RNLS: variants seen among roughly 807,000 people sequenced by gnomAD.
The protein encoded by RNLS is renalase.
A neutral mutation model predicts 39.8 loss-of-function variants in RNLS; 39 were observed. That is an observed-to-expected ratio of 0.98 (90% CI 0.76 to 1.28). The LOEUF (loss-of-function observed/expected upper bound fraction) is 1.28. RNLS is among the 50% of genes most tolerant of loss of function. The pLI is 0.00. For synonymous variants in RNLS, 147 were observed against 150.7 expected (o/e 0.98, Z 0.18); for missense variants, 410 against 413.3 (o/e 0.99, Z 0.07).
At chr10:88,510,737 C>A (rs1278190058) in intron 4 of RNLS, among the ~76,000 whole-genome samples, 1 of 151,608 alleles carries the variant, frequency 6.6e-6, no homozygotes, top group Non-Finnish European at 1.5e-5. Context: ...CACCCAGCTA[C>A]TCAGGAGGCT....
At chr10:88,530,587 C>G (rs1847364573) in intron 4 of RNLS, among the ~76,000 whole-genome samples, 1 of 152,100 alleles carries the variant, frequency 6.6e-6, no homozygotes, top group South Asian at 2.1e-4. Context: ...GTTTAACAAA[C>G]TAAAAAGAAA....
At chr10:88,236,321 G>C in the RNLS span, among the ~76,000 whole-genome samples, 2 of 152,248 alleles carry the variant, frequency 1.3e-5, no homozygotes, top group Admixed American at 6.5e-5. Flanking sequence ...GGAGGAGGTA[G>C]AGTTCTGAGC....
intron 4 of RNLS, among the ~76,000 whole-genome samples, chr10:88,389,335 G>T (rs1167472529): frequency 1.3e-5 from 2 of 151,872 alleles, no homozygotes; most frequent in Non-Finnish European, 2.9e-5. Context: ...TGTTATTGTT[G>T]TTTTCTTTTT....
chr10:88,492,937 A>G lies in RNLS; in HGVS notation c.526+79966T>C, dbSNP rs1035488040. On this transcript the variant is annotated intron_variant, in intron 4 of 6. Transcript: ENST00000331772. ...ACTTTCTACCCAGGATAAAGTTCTG[A>G]ACATGAAATTTTTAATATTTGAAAA... Among the ~76,000 whole-genome samples, 7 of 152,278 alleles carry G rather than the reference A, an allele frequency of 4.6e-5. 1 individual carries two copies. The highest frequency in any genetic ancestry group is 9.6e-5 in the African/African-American group (4 of 41,556).
intron 5 of RNLS, among the ~76,000 whole-genome samples, chr10:88,318,228 G>T (rs1564689750): frequency 6.6e-6 from 1 of 152,200 alleles, no homozygotes; most frequent in South Asian, 2.1e-4. Context: ...TGGGGCTGTT[G>T]GGTCCCTGTG....
Position 88,491,133 on chromosome 10 carries a change from A to G in RNLS, c.526+81770T>C, listed in dbSNP as rs75125067. Among the ~76,000 whole-genome samples the G allele has an allele frequency of 7.8e-3, 1,186 of 152,256 alleles. 6 individuals carry two copies. Among genetic ancestry groups the G allele is most frequent in the Non-Finnish European group, 0.012 (818 of 67,998 alleles). The stretch of plus-strand genomic sequence containing the variant: ...TTTGAGGGAACTGAGGCAGAGGGGA[A>G]CAACCAGTCTGCTTCAGAAAACACT... On this transcript the variant is annotated intron_variant, in intron 4 of 6. Coordinates refer to ENST00000331772, the MANE Select transcript of RNLS (RefSeq NM_001031709.3).
Position 88,441,333 on chromosome 10 carries a change from C to T in RNLS, c.527-78608G>A, listed in dbSNP as rs191434405. 4.6e-5 allele frequency among the ~76,000 whole-genome samples: 7 copies of T among 152,296 alleles called. No homozygotes were observed. The East Asian group carries it at 1.3e-3, about 29-fold the overall frequency. Reference sequence around the variant, plus strand: ...CCCTTCCTTCCCACCTACGTATACACAAGTTGATGGTGATTCACTGAAATC... The same window carrying T: ...CCCTTCCTTCCCACCTACGTATACATAAGTTGATGGTGATTCACTGAAATC... On this transcript the variant is annotated intron_variant, in intron 4 of 6. Coordinates refer to ENST00000331772, the MANE Select transcript of RNLS (RefSeq NM_001031709.3).
At chr10:88,535,530 A>G (rs1847701605) in intron 4 of RNLS, among the ~76,000 whole-genome samples, 1 of 152,070 alleles carries the variant, frequency 6.6e-6, no homozygotes, top group Admixed American at 6.6e-5. Flanking sequence ...GCAAACCACC[A>G]TGGCACACGT....
chr10:88,359,111 A>G (rs942072718), intron 5 of RNLS, among the ~76,000 whole-genome samples: 5 of 152,106 alleles, frequency 3.3e-5, no homozygotes, highest in Non-Finnish European at 7.4e-5. Flanking sequence ...TCAGGGGTTC[A>G]AGACCAGACT....
chr10:88,356,653 T>C (rs978840469), intron 5 of RNLS, among the ~76,000 whole-genome samples: 1 of 152,268 alleles, frequency 6.6e-6, no homozygotes, highest in African/African-American at 2.4e-5. Flanking sequence ...AAAATTCTTG[T>C]GAGGATAAAT....
intron 5 of RNLS, among the ~76,000 whole-genome samples, chr10:88,318,940 A>G (rs1442995145): frequency 6.6e-6 from 1 of 152,056 alleles, no homozygotes; most frequent in African/African-American, 2.4e-5. Flanking sequence ...TCATCAATCT[A>G]CCTGTGGGTG....
intron 4 of RNLS, among the ~76,000 whole-genome samples, chr10:88,461,050 T>C (rs1041494127): frequency 1.3e-5 from 2 of 152,134 alleles, no homozygotes; most frequent in Admixed American, 1.3e-4. Flanking sequence ...AAGTGGCTTC[T>C]ATGGTGCAGA....
At chr10:88,470,910 G>A (rs999315910) in intron 4 of RNLS, among the ~76,000 whole-genome samples, 2 of 152,026 alleles carry the variant, frequency 1.3e-5, no homozygotes, top group African/African-American at 2.4e-5. Flanking sequence ...CACCACAGCC[G>A]GCCTGTAATT....
chr10:88,254,492 G>A, the RNLS span, among the ~76,000 whole-genome samples: 2 of 152,300 alleles, frequency 1.3e-5, no homozygotes, highest in African/African-American at 4.8e-5. Flanking sequence ...TGAGAGAGGA[G>A]AATGAAGCAG....
chr10:88,235,267 C>CAAAA, the RNLS span, among the ~76,000 whole-genome samples: 83 of 61,566 alleles, frequency 1.3e-3, no homozygotes, highest in African/African-American at 2.0e-3. Context: ...GACTCTATCT[C>CAAAA]AAAAAAAAAA....
intron 4 of RNLS, among the ~76,000 whole-genome samples, chr10:88,463,792 T>C (rs1420869377): frequency 6.6e-6 from 1 of 152,000 alleles, no homozygotes; most frequent in Non-Finnish European, 1.5e-5. Context: ...TATCTCTTCA[T>C]CCTAGGTTCT....
the RNLS span, among the ~76,000 whole-genome samples, chr10:88,186,287 C>T: frequency 2.6e-5 from 4 of 152,124 alleles, no homozygotes; most frequent in African/African-American, 9.7e-5. Context: ...TTAGCAGAAT[C>T]GTCAGAGTAA....
chr10:88,486,021 G>C (rs1844490854), intron 4 of RNLS, among the ~76,000 whole-genome samples: 1 of 151,950 alleles, frequency 6.6e-6, no homozygotes, highest in African/African-American at 2.4e-5. Flanking sequence ...ATATTGTTAA[G>C]GAGAGGAAAA....
At chr10:88,318,226 T>C (rs772618219) in intron 5 of RNLS, among the ~76,000 whole-genome samples, 5 of 152,186 alleles carry the variant, frequency 3.3e-5, no homozygotes, top group South Asian at 2.1e-4. Context: ...CATGGGGCTG[T>C]TGGGTCCCTG....
Sources: allele counts gnomAD v4.1 joint callset (sites outside exome capture counted in the v4.1 genomes callset), GRCh38; gene constraint gnomAD v4.1.1; transcripts MANE v1.5; gene names NCBI Gene and HGNC (gene_info 2026-07-23, HGNC 2026-07-21).